ZBTB40: variants seen among roughly 807,000 people sequenced by gnomAD.
The protein encoded by ZBTB40 is zinc finger and BTB domain-containing protein 40.
Under a neutral mutation model 117.5 loss-of-function variants are expected in ZBTB40, and 60 were observed. The observed-to-expected ratio is 0.51, with a 90% CI of 0.41 to 0.63. The LOEUF is 0.63. ZBTB40 is among the 30% of genes least tolerant of loss of function. ZBTB40 has a pLI of 0.00. For missense variants in ZBTB40, 1,287 were observed against 1,498.5 expected, an observed-to-expected ratio of 0.86 and a Z score of 2.33; for synonymous variants, 525 against 577.1, an observed-to-expected ratio of 0.91 and a Z score of 1.29.
intron 1 of ZBTB40, among the ~76,000 whole-genome samples, chr1:22,466,909 A>G (rs1396483512): frequency 6.6e-6 from 1 of 152,032 alleles, no homozygotes; most frequent in African/African-American, 2.4e-5. Context: ...ACATTGAAAA[A>G]TATGATGAAA....
chr1:22,431,400 A>G (rs889980608), intron 1 of ZBTB40, among the ~76,000 whole-genome samples: 131 of 137,140 alleles, frequency 9.6e-4, no homozygotes, highest in African/African-American at 3.7e-3. Context: ...ATATATATAT[A>G]TATATATATG....
chr1:22,508,234 C>T, intron 7 of ZBTB40, 97 bp downstream of exon 7: 3 of 1,378,062 alleles, frequency 2.2e-6, no homozygotes, highest in Non-Finnish European at 3.0e-6. Context: ...TGTAAATATA[C>T]ATATGTAGCC....
At chr1:22,476,866 C>T (rs1321348068) in intron 1 of ZBTB40, among the ~76,000 whole-genome samples, 1 of 152,172 alleles carries the variant, frequency 6.6e-6, no homozygotes, top group African/African-American at 2.4e-5. Context: ...AATTTAGGTT[C>T]CCTCTATACC....
intron 1 of ZBTB40, among the ~76,000 whole-genome samples, chr1:22,437,466 G>T (rs1306930240): frequency 6.6e-6 from 1 of 150,690 alleles, no homozygotes; most frequent in Non-Finnish European, 1.5e-5. Context: ...TGTTGCCCAG[G>T]CTGGAGTGCA....
Position 22,489,987 on chromosome 1 carries a change from G to A in ZBTB40, c.39G>A (p.Gln13=). Residue 13 remains glutamine, a synonymous_variant, in exon 2 of 18, where the codon CAG becomes CAA. Coordinates refer to ENST00000375647, the MANE Select transcript of ZBTB40 (RefSeq NM_014870.4). ...ACTACAGCCGGCAGCTGCTGCAGCA[G>A]CTGTACACTCTGTGCAAGGAGCAGC... ...LPNYSRQLLQ[Q]LYTLCKEQQF... is the part of the protein sequence containing the mutation. The A allele has an allele frequency of 1.2e-6, 2 of 1,613,440 alleles. No homozygotes were observed. The highest frequency in any genetic ancestry group is 1.7e-6 in the Non-Finnish European group (2 of 1,180,012).
chr1:22,446,699 A>G (rs1195797683), intron 1 of ZBTB40, among the ~76,000 whole-genome samples: 1 of 152,132 alleles, frequency 6.6e-6, no homozygotes. Context: ...CTTCAAAAGT[A>G]AAAGAAAAAT....
In ZBTB40 at chr1:22,521,513, G is replaced by T; in HGVS notation, c.3066G>T (p.Trp1022Cys). Residue 1022 changes from tryptophan to cysteine, a missense_variant, in exon 15 of 18, where the codon TGG becomes TGT. By Grantham distance (215) the Trp-to-Cys change is radical. Transcript: ENST00000375647. ...CCTTGCAGCAATTGTCTGGTTTGTGGTACCACAATCGAACCCACCACCCTG... is the reference window on the plus strand; with the variant it reads ...CCTTGCAGCAATTGTCTGGTTTGTGTTACCACAATCGAACCCACCACCCTG... ...NKAYQQLSGL[W>C]YHNRTHHPDV... 6.2e-7 allele frequency: 1 copy of T among 1,614,168 alleles called. No individual in the cohort carries two copies. The highest frequency in any genetic ancestry group is 8.5e-7 in the Non-Finnish European group (1 of 1,180,048).
At position 22,530,783 on chromosome 1, in the gene ZBTB40, A is replaced by G. The variant is rs1272350921; in HGVS notation, c.*4387A>G. ...AGTGTCAGACGGGGACAGGGGTGAT[A>G]GGCCTGGTGTCCTAGGGGCCATTTG... On this transcript the variant is annotated 3_prime_UTR_variant, in exon 18 of 18. Transcript: ENST00000375647. The G allele has an allele frequency of 6.6e-6, 1 of 152,310 alleles. No homozygotes were observed. Among genetic ancestry groups the G allele is most frequent in the Non-Finnish European group, 1.5e-5 (1 of 68,048 alleles). 9.4% of individuals were successfully genotyped at this position (152,310 alleles called of 1,614,324 possible). A position where few individuals can be genotyped will look rare whatever the true frequency, so the allele number is the denominator to read the frequency against.
intron 1 of ZBTB40, among the ~76,000 whole-genome samples, chr1:22,429,953 C>T (rs1352466895): frequency 2.0e-5 from 3 of 152,068 alleles, no homozygotes; most frequent in Non-Finnish European, 4.4e-5. Flanking sequence ...GCTGAGATTG[C>T]GCCATTGCAC....
In ZBTB40 at chr1:22,508,664, C is replaced by T; in HGVS notation, c.1632C>T (p.Thr544=). 2 of 1,614,230 alleles carry T rather than the reference C, an allele frequency of 1.2e-6. No individual in the cohort carries two copies. The highest frequency in any genetic ancestry group is 1.7e-4 in the Middle Eastern group (1 of 6,060). The change falls in exon 8 of 18, where the codon ACC becomes ACT. Residue 544 remains threonine, a synonymous_variant. Coordinates refer to ENST00000375647, the MANE Select transcript of ZBTB40 (RefSeq NM_014870.4). ...QLLLVVQETK[T]CPLDLLMEEI... is the part of the protein sequence containing the mutation. ...TGCTGGTGGTTCAGGAGACAAAGAC[C>T]TGTCCATTGGACCTGCTCATGGAGG...
intron 3 of ZBTB40, among the ~76,000 whole-genome samples, chr1:22,493,315 A>C (rs1173272409): frequency 6.6e-6 from 1 of 152,228 alleles, no homozygotes; most frequent in Non-Finnish European, 1.5e-5. Flanking sequence ...TTTTAAAGCC[A>C]ATTCTGTTAC....
At chr1:22,449,574 A>G (rs1640831354), upstream of ZBTB40, among the ~76,000 whole-genome samples, 1 of 152,236 alleles carries the variant, frequency 6.6e-6, no homozygotes, top group Non-Finnish European at 1.5e-5. Flanking sequence ...GCAGCCACTG[A>G]TCCACTGACT....
chr1:22,489,854 A>AGGGTTTC (rs1638572529), intron 1 of ZBTB40, 26 bp from the exon 2 acceptor site: 1 of 1,201,286 alleles, frequency 8.3e-7, no homozygotes, highest in Middle Eastern at 2.7e-4. Context: ...TGAAGTTTTA[A>AGGGTTTC]CCTGGTATTT....
At chr1:22,441,063 T>C (rs1313450162) in intron 1 of ZBTB40, among the ~76,000 whole-genome samples, 2 of 152,326 alleles carry the variant, frequency 1.3e-5, no homozygotes, top group Non-Finnish European at 1.5e-5. Flanking sequence ...GTATTAGTTG[T>C]TCTTTTCATG....
chr1:22,479,111 A>C (rs1004168097), intron 1 of ZBTB40, among the ~76,000 whole-genome samples: 1 of 152,180 alleles, frequency 6.6e-6, no homozygotes, highest in African/African-American at 2.4e-5. Context: ...GTGTTCTTGC[A>C]TGTATAATAG....
At chr1:22,457,326 A>G (rs762093954) in intron 1 of ZBTB40, among the ~76,000 whole-genome samples, 1 of 152,234 alleles carries the variant, frequency 6.6e-6, no homozygotes, top group African/African-American at 2.4e-5. Flanking sequence ...GGCAATTCAT[A>G]AATGTAATTT....
At chr1:22,490,795 C>A in intron 2 of ZBTB40, 150 bp downstream of exon 2, 1 of 897,718 alleles carries the variant, frequency 1.1e-6, no homozygotes, top group Non-Finnish European at 1.7e-6. Flanking sequence ...TTAAAAGTGT[C>A]TGTGTTTTTG....
intron 1 of ZBTB40, among the ~76,000 whole-genome samples, chr1:22,477,988 C>A (rs1641591248): frequency 1.3e-5 from 2 of 152,144 alleles, no homozygotes; most frequent in African/African-American, 4.8e-5. Context: ...TCCCTTGTAT[C>A]CTTGTACATA....
rs1229367257 is a variant in ZBTB40, at chr1:22,506,211, C to T, written c.1330C>T (p.Gln444Ter). ...PNLGLLLEKL[Q>*]KSATLPSTTV... is the part of the protein sequence containing the mutation. ...CCTGGGCCTTCTGCTAGAGAAGTTG[C>T]AGAAATCAGCCACTTTGCCAAGCAC... The change falls in exon 6 of 18, where the codon CAG (glutamine) becomes TAG (stop). Residue 444 changes from glutamine (Q) to a stop codon, truncating the protein, a stop_gained. Transcript: ENST00000375647. LOFTEE classifies it high-confidence loss of function. 9.9e-6 allele frequency: 16 copies of T among 1,614,180 alleles called. No individual in the cohort carries two copies. Among genetic ancestry groups the T allele is most frequent in the Non-Finnish European group, 1.4e-5 (16 of 1,180,032 alleles).
Sources: allele counts gnomAD v4.1 joint callset (sites outside exome capture counted in the v4.1 genomes callset), GRCh38; gene constraint gnomAD v4.1.1; transcripts MANE v1.5; gene names NCBI Gene and HGNC (gene_info 2026-07-23, HGNC 2026-07-21).